The following KIRREL3 variants were observed in gnomAD, a reference collection of about 807,000 sequenced individuals.
KIRREL3 encodes the protein kin of IRRE-like protein 3.
KIRREL3 carries 36 observed loss-of-function variants against 89.7 expected under a neutral mutation model. That is an observed-to-expected ratio of 0.40 (90% CI 0.31 to 0.53). The LOEUF (loss-of-function observed/expected upper bound fraction) is 0.53, where lower values mean the gene tolerates loss of function less well. Among genes scored for constraint, KIRREL3 ranks in the 20% least tolerant of loss-of-function variants. The pLI is 0.49. For synonymous variants in KIRREL3, 445 were observed against 441.4 expected (o/e 1.01, Z -0.10); for missense variants, 864 against 1,056.6 (o/e 0.82, Z 2.53).
intron 1 of KIRREL3, among the ~76,000 whole-genome samples, chr11:126,737,316 G>C (rs1458058335): frequency 2.5e-4 from 38 of 152,148 alleles, no homozygotes. Flanking sequence ...GGTGCTGGTG[G>C]ATCCCAGCTC....
intron 2 of KIRREL3, among the ~76,000 whole-genome samples, chr11:126,540,745 G>T (rs1938301218): frequency 6.6e-6 from 1 of 152,250 alleles, no homozygotes; most frequent in Non-Finnish European, 1.5e-5. Context: ...AGGTCTAAAT[G>T]AGACAGGACG....
At chr11:126,888,060 AT>A (rs751851146) in intron 1 of KIRREL3, among the ~76,000 whole-genome samples, 55 of 152,338 alleles carry the variant, frequency 3.6e-4, no homozygotes, top group Middle Eastern at 3.4e-3. Flanking sequence ...CACCCACAGT[AT>A]CAAGGGGAGG....
In KIRREL3 at chr11:126,636,387, G is replaced by A. The variant is rs946654747; in HGVS notation, c.56-73475C>T. On this transcript the variant is annotated intron_variant, in intron 1 of 16. Transcript: ENST00000525144. The surrounding 1 kb of genome is among the most constrained non-coding windows in gnomAD (Gnocchi z 4.4). Reference sequence around the variant, plus strand: ...CTGCCGTTTAACAGATGCCCTGTAAGTGAGTGCCTTCCTCTTTCTCCCTTC... The same window carrying A: ...CTGCCGTTTAACAGATGCCCTGTAAATGAGTGCCTTCCTCTTTCTCCCTTC... Among the ~76,000 whole-genome samples, 10 of 152,190 alleles carry A rather than the reference G, an allele frequency of 6.6e-5. No homozygotes were observed. Among genetic ancestry groups the A allele is most frequent in the African/African-American group, 2.4e-4 (10 of 41,452 alleles).
chr11:126,536,842 A>T (rs1290276684), intron 2 of KIRREL3, among the ~76,000 whole-genome samples: 1 of 152,046 alleles, frequency 6.6e-6, no homozygotes, highest in Non-Finnish European at 1.5e-5. Flanking sequence ...ACAGGGTTTC[A>T]CCAAGTTGAC....
At chr11:126,861,675 T>C (rs1012458472) in intron 1 of KIRREL3, among the ~76,000 whole-genome samples, 6 of 152,228 alleles carry the variant, frequency 3.9e-5, no homozygotes, top group African/African-American at 1.4e-4. Flanking sequence ...AAAAGCCCTT[T>C]GTAAATTACA....
rs1207506799 is a variant in KIRREL3 at position 126,535,105 on chromosome 11, T to C, written c.134-8418A>G. On this transcript the variant is annotated intron_variant, in intron 2 of 16. Coordinates refer to ENST00000525144, the MANE Select transcript of KIRREL3 (RefSeq NM_032531.4). This position sits in a 1 kb window ranked among gnomAD's most constrained non-coding sequence, Gnocchi z 4.5. ...GGGGGCTCTGGTTATGGGGCAGAGC[T>C]GGGAGCAGGCAGATGGCATCCTCAG... Among the ~76,000 whole-genome samples, 2 of 152,032 alleles carry C rather than the reference T, an allele frequency of 1.3e-5. No individual in the cohort carries two copies. Among genetic ancestry groups the C allele is most frequent in the African/African-American group, 2.4e-5 (1 of 41,370 alleles).
chr11:126,728,947 A>G (rs1432930384), intron 1 of KIRREL3, among the ~76,000 whole-genome samples: 2 of 152,230 alleles, frequency 1.3e-5, no homozygotes, highest in African/African-American at 4.8e-5. Context: ...CTTTCGGGGC[A>G]GAGGGAGGAG....
At chr11:126,786,980 G>A (rs985073444) in intron 1 of KIRREL3, among the ~76,000 whole-genome samples, 1 of 152,232 alleles carries the variant, frequency 6.6e-6, no homozygotes, top group Non-Finnish European at 1.5e-5. Flanking sequence ...GGAAGGGAGA[G>A]GCAGTGGCTC....
At chr11:126,617,345 G>A (rs1162697350) in intron 1 of KIRREL3, among the ~76,000 whole-genome samples, 1 of 152,204 alleles carries the variant, frequency 6.6e-6, no homozygotes. Flanking sequence ...AGAGAGCTGG[G>A]AATCACTAGA....
At position 126,754,245 on chromosome 11, in the gene KIRREL3, G is replaced by A. The variant is rs1949422830; in HGVS notation, c.56-191333C>T. ...TGCCAAAAGTTTTGCTTTGCATCTG[G>A]CTACAGATCTAAATTTATTGCATTA... On this transcript the variant is annotated intron_variant, in intron 1 of 16. Transcript: ENST00000525144. The surrounding 1 kb of genome is among the most constrained non-coding windows in gnomAD (Gnocchi z 5.1). Among the ~76,000 whole-genome samples, 1 of 152,062 alleles carries A rather than the reference G, an allele frequency of 6.6e-6. No individual in the cohort carries two copies. Among genetic ancestry groups the A allele is most frequent in the Non-Finnish European group, 1.5e-5 (1 of 67,996 alleles).
rs1205293869 is a variant in KIRREL3 at position 126,492,429 on chromosome 11, T to G, written c.434-18963A>C. On this transcript the variant is annotated intron_variant, in intron 4 of 16. Coordinates refer to ENST00000525144, the MANE Select transcript of KIRREL3 (RefSeq NM_032531.4). The surrounding 1 kb of genome is among the most constrained non-coding windows in gnomAD (Gnocchi z 4.8). ...CCCTGTCCACTCAAGTACTTCCTCATTAGTTTTGCTGAAGTTACTTCCCTG... is the reference window on the plus strand; with the variant it reads ...CCCTGTCCACTCAAGTACTTCCTCAGTAGTTTTGCTGAAGTTACTTCCCTG... Among the ~76,000 whole-genome samples, 1 of 152,074 alleles carries G rather than the reference T, an allele frequency of 6.6e-6. No individual in the cohort carries two copies. Among genetic ancestry groups the G allele is most frequent in the Non-Finnish European group, 1.5e-5 (1 of 68,008 alleles).
chr11:126,921,340 C>T (rs1348182176), intron 1 of KIRREL3, among the ~76,000 whole-genome samples: 2 of 152,158 alleles, frequency 1.3e-5, no homozygotes, highest in East Asian at 1.9e-4. Context: ...ACTTCTCAGC[C>T]TCCATAATTG....
At chr11:126,838,530 A>C (rs1467683362) in intron 1 of KIRREL3, among the ~76,000 whole-genome samples, 1 of 152,222 alleles carries the variant, frequency 6.6e-6, no homozygotes, top group Non-Finnish European at 1.5e-5. Context: ...AATGGGTAAG[A>C]GGGGACATTT....
intron 1 of KIRREL3, among the ~76,000 whole-genome samples, chr11:126,915,650 C>T (rs1947008512): frequency 6.6e-6 from 1 of 152,178 alleles, no homozygotes. Flanking sequence ...CACTAAAGTA[C>T]CACTCATCTA....
chr11:126,614,025 G>T lies in KIRREL3; in HGVS notation c.56-51113C>A, dbSNP rs1215052821. On this transcript the variant is annotated intron_variant, in intron 1 of 16. Transcript: ENST00000525144. The surrounding 1 kb of genome is among the most constrained non-coding windows in gnomAD (Gnocchi z 4.6). ...CTTTTGGCTCTTGATTTATGATGAG[G>T]TTCTTTTCTGTGTAATTCTTTTGGC... Among the ~76,000 whole-genome samples the T allele has an allele frequency of 6.6e-6, 1 of 151,850 alleles. No homozygotes were observed. Among genetic ancestry groups the T allele is most frequent in the Non-Finnish European group, 1.5e-5 (1 of 67,976 alleles).
In KIRREL3 at chr11:126,791,439, C is replaced by T. The variant is rs540569258; in HGVS notation, c.55+209016G>A. On this transcript the variant is annotated intron_variant, in intron 1 of 16. Coordinates refer to ENST00000525144, the MANE Select transcript of KIRREL3 (RefSeq NM_032531.4). This position sits in a 1 kb window ranked among gnomAD's most constrained non-coding sequence, Gnocchi z 4.8. ...GGCCTCAGCTTATGCGGAGTGAAAG[C>T]CCAGCCACTCCTGATGGTGACGGCA... Among the ~76,000 whole-genome samples, 6 of 152,316 alleles carry T rather than the reference C, an allele frequency of 3.9e-5. No individual in the cohort carries two copies. In the South Asian group the frequency reaches 1.2e-3, roughly 32 times the overall value.
rs1189302762 is a variant in KIRREL3, at chr11:126,791,395, C to G, written c.55+209060G>C. ...CAGCTACCCGCTTCCCAGGCTTCTG[C>G]TCACGGGAGCTTCAGCTTGGCCTCA... On this transcript the variant is annotated intron_variant, in intron 1 of 16. Coordinates refer to ENST00000525144, the MANE Select transcript of KIRREL3 (RefSeq NM_032531.4). This position sits in a 1 kb window ranked among gnomAD's most constrained non-coding sequence, Gnocchi z 4.8. 6.6e-6 allele frequency among the ~76,000 whole-genome samples: 1 copy of G among 152,228 alleles called. No individual in the cohort carries two copies. Among genetic ancestry groups the G allele is most frequent in the Non-Finnish European group, 1.5e-5 (1 of 68,038 alleles).
chr11:126,730,948 G>A (rs1397427785), intron 1 of KIRREL3, among the ~76,000 whole-genome samples: 1 of 151,868 alleles, frequency 6.6e-6, no homozygotes, highest in East Asian at 1.9e-4. Flanking sequence ...ACTGTGTTAG[G>A]CAGGATGGTC....
At chr11:126,451,213 G>T (rs1157922711) in intron 7 of KIRREL3, among the ~76,000 whole-genome samples, 1 of 150,112 alleles carries the variant, frequency 6.7e-6, no homozygotes, top group Non-Finnish European at 1.5e-5. Flanking sequence ...GTGTGTGCAT[G>T]TGTGGGTGTG....
Sources: allele counts gnomAD v4.1 joint callset (sites outside exome capture counted in the v4.1 genomes callset), GRCh38; gene constraint gnomAD v4.1.1; non-coding constraint Gnocchi (gnomAD v3.1); transcripts MANE v1.5; gene names NCBI Gene and HGNC (gene_info 2026-07-23, HGNC 2026-07-21).